CDR2: variants seen among roughly 807,000 people sequenced by gnomAD.
The protein encoded by CDR2 is cerebellar degeneration related protein 2.
Under a neutral mutation model 48.4 loss-of-function variants are expected in CDR2, and 34 were observed. That is an observed-to-expected ratio of 0.70 (90% CI 0.53 to 0.94). The LOEUF (loss-of-function observed/expected upper bound fraction) is 0.94. CDR2 is among the 40% of genes least tolerant of loss of function. The pLI is 0.00. For synonymous variants in CDR2, 240 were observed against 219.7 expected (o/e 1.09, Z -0.82); for missense variants, 498 against 549.5 (o/e 0.91, Z 0.94).
intron 2 of CDR2, among the ~76,000 whole-genome samples, chr16:22,361,628 C>T (rs1314334796): frequency 6.6e-6 from 1 of 152,170 alleles, no homozygotes; most frequent in Admixed American, 6.5e-5. Flanking sequence ...CATCTCATCT[C>T]CCCTACTGAG....
chr16:22,373,753 G>C (rs1169696732), intron 1 of CDR2, among the ~76,000 whole-genome samples: 1 of 152,228 alleles, frequency 6.6e-6, no homozygotes, highest in Non-Finnish European at 1.5e-5. Flanking sequence ...GTCTCCTGGA[G>C]TTACGGTGCG....
intron 1 of CDR2, chr16:22,365,319 A>G (rs538253384): frequency 1.4e-5 from 3 of 213,290 alleles, no homozygotes; most frequent in Non-Finnish European, 2.8e-5. Flanking sequence ...TTGCTAGTAC[A>G]ATGAATGTAT....
rs1056358784 is a variant in CDR2, at chr16:22,374,554, G to C, written c.-245C>G. The C allele has an allele frequency of 4.1e-5, 8 of 195,260 alleles. No homozygotes were observed. Among genetic ancestry groups the C allele is most frequent in the African/African-American group, 1.9e-4 (8 of 42,556 alleles). The allele number at this position is 195,260 out of a possible 1,614,324, so 12.1% of individuals were successfully genotyped here. ...CCGGGCATTACGGTGCGAACGCCTG[G>C]AGCCGGAGTCTCACGCAGCCGCCAG... is the stretch of plus-strand genomic sequence containing the variant. On this transcript the variant is annotated 5_prime_UTR_variant, in exon 1 of 5. Coordinates refer to ENST00000268383, the MANE Select transcript of CDR2 (RefSeq NM_001802.2).
intron 1 of CDR2, among the ~76,000 whole-genome samples, chr16:22,372,305 TAAC>T (rs957016910): frequency 2.0e-5 from 3 of 152,176 alleles, no homozygotes; most frequent in African/African-American, 7.2e-5. Context: ...CTGTTGTTCC[TAAC>T]AACCTCCCAC....
In CDR2 at chr16:22,346,972, TGA is replaced by T. The variant is rs1567342679; in HGVS notation, c.1356_1357del (p.His453PhefsTer27). 1 of 1,607,364 alleles carries T rather than the reference TGA, an allele frequency of 6.2e-7. No homozygotes were observed. Among genetic ancestry groups the T allele is most frequent in the Admixed American group, 1.7e-5 (1 of 59,894 alleles). On this transcript the variant is annotated frameshift_variant, in exon 5 of 5. Coordinates refer to ENST00000268383, the MANE Select transcript of CDR2 (RefSeq NM_001802.2). LOFTEE classifies it high-confidence loss of function. Reference sequence around the variant, plus strand: ...GTAGAGCTAGAGGTTCAATTAAGAATGAGAGGAGAGTGATCGGTATTTTGTTC... The same window carrying T: ...GTAGAGCTAGAGGTTCAATTAAGAATGAGGAGAGTGATCGGTATTTTGTTC...
At chr16:22,370,886 A>G (rs1033710593) in intron 1 of CDR2, among the ~76,000 whole-genome samples, 5 of 152,182 alleles carry the variant, frequency 3.3e-5, no homozygotes, top group African/African-American at 1.2e-4. Context: ...AAAACATTCT[A>G]TAGTTGTAAG....
At chr16:22,367,021 C>T (rs1285471132) in intron 1 of CDR2, 2 of 152,124 alleles carry the variant, frequency 1.3e-5, no homozygotes, top group East Asian at 3.9e-4. Flanking sequence ...GAACAAAGGG[C>T]TTTCTTTTTC....
chr16:22,364,090 C>A (rs906800237), intron 2 of CDR2, among the ~76,000 whole-genome samples: 1 of 152,144 alleles, frequency 6.6e-6, no homozygotes, highest in East Asian at 1.9e-4. Flanking sequence ...CAGGCACACG[C>A]CACCACACCA....
intron 2 of CDR2, among the ~76,000 whole-genome samples, chr16:22,364,069 A>T (rs551298033): frequency 6.6e-6 from 1 of 152,102 alleles, no homozygotes; most frequent in South Asian, 2.1e-4. Context: ...CTCCCAAGTA[A>T]GCTGGGACTA....
At chr16:22,371,848 A>ATGTGTGTGTGTGTGTGTGTGTG (rs56274013) in intron 1 of CDR2, among the ~76,000 whole-genome samples, 3 of 148,446 alleles carry the variant, frequency 2.0e-5, no homozygotes, top group African/African-American at 7.4e-5. Flanking sequence ...AGGTTCAGAT[A>ATGTGTGTGTGTGTGTGTGTGTG]TGTGTGTGTG....
In CDR2 at chr16:22,346,105, A is replaced by G. The variant is rs1455909754; in HGVS notation, c.*860T>C. 3 of 152,524 alleles carry G rather than the reference A, an allele frequency of 2.0e-5. No homozygotes were observed. Among genetic ancestry groups the G allele is most frequent in the African/African-American group, 7.2e-5 (3 of 41,468 alleles). 9.4% of individuals were successfully genotyped at this position (152,524 alleles called of 1,614,324 possible). ...AGGAATTTCTGCAACAAGTCAAAAC[A>G]TTTACAGGAATGGTAAGAACTCTGC... On this transcript the variant is annotated 3_prime_UTR_variant, in exon 5 of 5. Transcript: ENST00000268383.
chr16:22,353,049 T>C (rs148395366), intron 2 of CDR2, among the ~76,000 whole-genome samples: 25 of 152,320 alleles, frequency 1.6e-4, no homozygotes, highest in Admixed American at 5.2e-4. Context: ...CAAGAATATA[T>C]ATATAATAGC....
intron 1 of CDR2, among the ~76,000 whole-genome samples, chr16:22,368,019 C>G (rs2049053984): frequency 6.6e-6 from 1 of 151,878 alleles, no homozygotes; most frequent in African/African-American, 2.4e-5. Flanking sequence ...CTCAGAAGTT[C>G]GAGACCAGCC....
chr16:22,359,421 G>A (rs943768896), intron 2 of CDR2, among the ~76,000 whole-genome samples: 3 of 152,050 alleles, frequency 2.0e-5, no homozygotes, highest in South Asian at 2.1e-4. Flanking sequence ...CACCGCCACC[G>A]GCTCACTACT....
chr16:22,368,392 T>C (rs2049056260), intron 1 of CDR2, among the ~76,000 whole-genome samples: 1 of 152,132 alleles, frequency 6.6e-6, no homozygotes, highest in South Asian at 2.1e-4. Flanking sequence ...GTATTGTTAG[T>C]AGAGATGGGG....
At position 22,346,124 on chromosome 16, in the gene CDR2, ACT is replaced by A. The variant is rs1344320048; in HGVS notation, c.*839_*840del. 1 of 152,478 alleles carries A rather than the reference ACT, an allele frequency of 6.6e-6. No individual in the cohort carries two copies. Among genetic ancestry groups the A allele is most frequent in the African/African-American group, 2.4e-5 (1 of 41,466 alleles). 9.4% of individuals were successfully genotyped at this position (152,478 alleles called of 1,614,324 possible). On this transcript the variant is annotated 3_prime_UTR_variant, in exon 5 of 5. Coordinates refer to ENST00000268383, the MANE Select transcript of CDR2 (RefSeq NM_001802.2). ...CAAAACATTTACAGGAATGGTAAGAACTCTGCAAGAGCAGCTTGTGGCTGGCA... is the reference window on the plus strand; with the variant it reads ...CAAAACATTTACAGGAATGGTAAGAACTGCAAGAGCAGCTTGTGGCTGGCA...
At chr16:22,348,472 G>C (rs1598290050) in intron 4 of CDR2, among the ~76,000 whole-genome samples, 1 of 152,158 alleles carries the variant, frequency 6.6e-6, no homozygotes, top group African/African-American at 2.4e-5. Context: ...TCTGCTACCT[G>C]GCCTGAGGGT....
intron 2 of CDR2, among the ~76,000 whole-genome samples, chr16:22,359,030 T>C (rs2048994566): frequency 6.6e-6 from 1 of 152,240 alleles, no homozygotes; most frequent in Non-Finnish European, 1.5e-5. Flanking sequence ...ATTTCATCAT[T>C]ACACATTGTA....
intron 1 of CDR2, among the ~76,000 whole-genome samples, chr16:22,366,626 C>T (rs1387886157): frequency 1.3e-5 from 2 of 151,806 alleles, no homozygotes; most frequent in Non-Finnish European, 2.9e-5. Context: ...GAGGGTGGAG[C>T]AGAATGTATT....
Sources: gnomAD v4.1 joint callset for allele counts (sites outside exome capture counted in the v4.1 genomes callset) on GRCh38, gnomAD v4.1.1 for gene constraint, MANE v1.5 for transcripts, NCBI Gene and HGNC (gene_info 2026-07-23, HGNC 2026-07-21) for gene names.